The following ANKS1B variants were observed in gnomAD, a reference collection of about 807,000 sequenced individuals.
ANKS1B encodes the protein ankyrin repeat and sterile alpha motif domain-containing protein 1B.
A neutral mutation model predicts 148.3 loss-of-function variants in ANKS1B; 36 were observed. That is an observed-to-expected ratio of 0.24 (90% CI 0.19 to 0.32). The LOEUF is 0.32. ANKS1B is among the 10% of genes least tolerant of loss of function. ANKS1B has a pLI of 1.00. For missense variants in ANKS1B, 1,157 were observed against 1,542.6 expected (o/e 0.75, Z 4.19); for synonymous variants, 542 against 560.8 (o/e 0.97, Z 0.47).
intron 19 of ANKS1B, among the ~76,000 whole-genome samples, chr12:98,812,859 T>G (rs137952985): frequency 3.5e-4 from 54 of 152,252 alleles, no homozygotes; most frequent in African/African-American, 1.3e-3. Flanking sequence ...TGAAAATTAT[T>G]TTTTTAAAAA....
In ANKS1B at chr12:99,246,390, G is replaced by A. The variant is rs1440531471; in HGVS notation, c.2231C>T (p.Ala744Val). 1 of 1,613,696 alleles carries A rather than the reference G, an allele frequency of 6.2e-7. No individual in the cohort carries two copies. The highest frequency in any genetic ancestry group is 1.7e-5 in the Admixed American group (1 of 59,990). ...SVSKSDSDLI[A>V]YPSNEKTSRV... ...TGATGTTTTCTCATTGGAAGGATAG[G>A]CAATGAGATCAGAATCAGATTTAGA... is the stretch of plus-strand genomic sequence containing the variant. Residue 744 changes from alanine to valine, a missense_variant, in exon 13 of 27, where the codon GCC becomes GTC. Ala to Val is a moderately conservative substitution (Grantham distance 64, BLOSUM62 0). Coordinates refer to ENST00000683438, the MANE Select transcript of ANKS1B (RefSeq NM_001352186.2).
chr12:99,114,533 C>T (rs931431276), intron 15 of ANKS1B, among the ~76,000 whole-genome samples: 17 of 152,188 alleles, frequency 1.1e-4, no homozygotes, highest in Non-Finnish European at 1.5e-4. Flanking sequence ...TGGTGCATCA[C>T]TTGAGGTCAG....
chr12:99,426,195 TTATG>T (rs71436956), intron 11 of ANKS1B, among the ~76,000 whole-genome samples: 1 of 152,122 alleles, frequency 6.6e-6, no homozygotes, highest in Non-Finnish European at 1.5e-5. Context: ...TAATGTCTGT[TTATG>T]TAATTTAACT....
intron 9 of ANKS1B, among the ~76,000 whole-genome samples, chr12:99,628,801 C>G (rs965999653): frequency 9.2e-5 from 14 of 152,142 alleles, no homozygotes; most frequent in African/African-American, 3.4e-4. Context: ...GCCAAACTTA[C>G]TTTGTATCAG....
chr12:99,983,952 A>G (rs1414963083), intron 1 of ANKS1B, among the ~76,000 whole-genome samples, 152 bp downstream of exon 1: 4 of 152,080 alleles, frequency 2.6e-5, no homozygotes, highest in Non-Finnish European at 5.9e-5. Flanking sequence ...GGAGGCTCAT[A>G]CCTCCTCTCC....
intron 14 of ANKS1B, among the ~76,000 whole-genome samples, chr12:99,177,289 C>A (rs1266604039): frequency 6.6e-6 from 1 of 152,072 alleles, no homozygotes; most frequent in Non-Finnish European, 1.5e-5. Context: ...TTAAGGGTAC[C>A]CTAATCACAT....
At chr12:99,333,146 G>T (rs1297379562) in intron 12 of ANKS1B, among the ~76,000 whole-genome samples, 2 of 152,056 alleles carry the variant, frequency 1.3e-5, no homozygotes, top group Non-Finnish European at 2.9e-5. Flanking sequence ...AGATAAGGCT[G>T]GAAATGTAAA....
At chr12:99,253,988 C>T (rs1233419964) in intron 12 of ANKS1B, among the ~76,000 whole-genome samples, 2 of 152,130 alleles carry the variant, frequency 1.3e-5, no homozygotes, top group African/African-American at 4.8e-5. Context: ...AAATAATTGG[C>T]CTGTAATCTT....
At chr12:98,872,125 A>G (rs182287720) in intron 17 of ANKS1B, among the ~76,000 whole-genome samples, 1 of 152,232 alleles carries the variant, frequency 6.6e-6, no homozygotes, top group African/African-American at 2.4e-5. Flanking sequence ...TAGTTCAAAC[A>G]CTACCAAAGA....
At chr12:98,983,826 G>T (rs953914551) in intron 17 of ANKS1B, among the ~76,000 whole-genome samples, 3 of 152,162 alleles carry the variant, frequency 2.0e-5, no homozygotes, top group African/African-American at 7.2e-5. Context: ...CAAGGCCTGG[G>T]AATAATTCTC....
chr12:99,598,343 A>G (rs898405401), intron 9 of ANKS1B, among the ~76,000 whole-genome samples: 2 of 152,072 alleles, frequency 1.3e-5, no homozygotes, highest in East Asian at 3.8e-4. Flanking sequence ...AGTACCGTAA[A>G]AGCAGCTAAC....
intron 12 of ANKS1B, among the ~76,000 whole-genome samples, chr12:99,393,313 C>T (rs140204884): frequency 2.0e-5 from 3 of 152,276 alleles, no homozygotes; most frequent in African/African-American, 4.8e-5. Context: ...GAATGAGACA[C>T]ATAGTGGCCA....
chr12:99,580,569 A>G (rs961281973), intron 9 of ANKS1B, among the ~76,000 whole-genome samples: 14 of 152,134 alleles, frequency 9.2e-5, no homozygotes, highest in African/African-American at 3.4e-4. Context: ...TAGGGGTAGA[A>G]TGGTGGCTAC....
At chr12:98,891,015 T>C (rs1222008766) in intron 17 of ANKS1B, among the ~76,000 whole-genome samples, 1 of 152,248 alleles carries the variant, frequency 6.6e-6, no homozygotes, top group Non-Finnish European at 1.5e-5. Flanking sequence ...CCAGAGAATG[T>C]TCTTGTGGCT....
At chr12:99,230,878 AAAT>A (rs1227481769) in intron 14 of ANKS1B, among the ~76,000 whole-genome samples, 1 of 152,146 alleles carries the variant, frequency 6.6e-6, no homozygotes, top group East Asian at 1.9e-4. Flanking sequence ...ATAATAATAA[AAAT>A]AAATCCTCTC....
intron 22 of ANKS1B, among the ~76,000 whole-genome samples, chr12:98,790,655 T>C (rs2098840309): frequency 6.6e-6 from 1 of 151,594 alleles, no homozygotes. Flanking sequence ...ATAGATGCTT[T>C]CACTTAGAAA....
intron 8 of ANKS1B, among the ~76,000 whole-genome samples, chr12:99,656,017 T>C (rs2098448175): frequency 6.6e-6 from 1 of 152,106 alleles, no homozygotes; most frequent in African/African-American, 2.4e-5. Flanking sequence ...GAAAGAATTA[T>C]ACCCCTAGAC....
At chr12:98,775,000 T>A (rs930227813) in intron 24 of ANKS1B, among the ~76,000 whole-genome samples, 1 of 152,042 alleles carries the variant, frequency 6.6e-6, no homozygotes, top group African/African-American at 2.4e-5. Flanking sequence ...AAAACCAAAT[T>A]AGGGATGGGT....
intron 17 of ANKS1B, chr12:99,049,103 C>A (rs1037863600): frequency 6.6e-6 from 1 of 152,164 alleles, no homozygotes. Flanking sequence ...ACTGATGTAA[C>A]CTCCCTGGTA....
Sources: allele counts gnomAD v4.1 joint callset (sites outside exome capture counted in the v4.1 genomes callset), GRCh38; gene constraint gnomAD v4.1.1; transcripts MANE v1.5; gene names NCBI Gene and HGNC (gene_info 2026-07-23, HGNC 2026-07-21).